Variants in MAF observed in about 807,000 individuals in gnomAD.
MAF encodes the protein transcription factor Maf.
A neutral mutation model predicts 22.0 loss-of-function variants in MAF; 10 were observed. The ratio of observed to expected loss-of-function variants is 0.45; its 90% CI spans 0.28 to 0.77. The LOEUF is 0.77. MAF is among the 30% of genes least tolerant of loss of function. MAF has a pLI of 0.12. For missense variants in MAF, 544 were observed against 548.4 expected, an observed-to-expected ratio of 0.99 and a Z score of 0.08; for synonymous variants, 337 against 255.8, an observed-to-expected ratio of 1.32 and a Z score of -3.03.
the MAF span, among the ~76,000 whole-genome samples, chr16:79,437,706 C>T: frequency 6.6e-6 from 1 of 152,128 alleles, no homozygotes; most frequent in African/African-American, 2.4e-5. Context: ...TCTCTGCTAG[C>T]TTCCAGAGCA....
chr16:79,421,397 C>T, the MAF span, among the ~76,000 whole-genome samples: 6 of 152,208 alleles, frequency 3.9e-5, no homozygotes, highest in Non-Finnish European at 8.8e-5. Flanking sequence ...CCTGCTAGTG[C>T]CTGGCAACCG....
the MAF span, among the ~76,000 whole-genome samples, chr16:79,506,555 G>T: frequency 4.6e-5 from 7 of 152,208 alleles, no homozygotes; most frequent in Non-Finnish European, 7.3e-5. Context: ...AACCAGGGCT[G>T]GTAGATAAAA....
the MAF span, among the ~76,000 whole-genome samples, chr16:79,507,547 C>T: frequency 5.9e-4 from 90 of 152,082 alleles, 2 homozygotes; most frequent in East Asian, 0.017. Flanking sequence ...GCCTCAGCCT[C>T]CTGAGTAGCT....
the MAF span, among the ~76,000 whole-genome samples, chr16:79,431,882 T>A: frequency 6.6e-6 from 1 of 152,132 alleles, no homozygotes; most frequent in Non-Finnish European, 1.5e-5. Flanking sequence ...GTGTTACAGG[T>A]TGAATTGCCA....
the MAF span, among the ~76,000 whole-genome samples, chr16:79,476,602 A>G: frequency 6.6e-6 from 1 of 152,126 alleles, no homozygotes. Flanking sequence ...CAGATTTTTC[A>G]TCTTCCAAAT....
At chr16:79,578,975 G>T in the MAF span, among the ~76,000 whole-genome samples, 1 of 152,222 alleles carries the variant, frequency 6.6e-6, no homozygotes, top group East Asian at 1.9e-4. Context: ...GTAACAACAA[G>T]CCAGCCAGGA....
At chr16:79,253,087 A>G in the MAF span, among the ~76,000 whole-genome samples, 3 of 152,292 alleles carry the variant, frequency 2.0e-5, no homozygotes, top group East Asian at 3.9e-4. Flanking sequence ...GGTCACCCTC[A>G]CCTATAATTA....
At chr16:79,277,562 A>C in the MAF span, among the ~76,000 whole-genome samples, 1 of 152,212 alleles carries the variant, frequency 6.6e-6, no homozygotes, top group Admixed American at 6.5e-5. Context: ...CTCTGAGATT[A>C]GTACTATTAG....
the MAF span, among the ~76,000 whole-genome samples, chr16:79,350,681 A>T: frequency 1.3e-5 from 2 of 152,170 alleles, no homozygotes; most frequent in Admixed American, 1.3e-4. Flanking sequence ...GCAGAGCCAC[A>T]AGATAGAAGA....
At chr16:79,213,270 C>T in the MAF span, among the ~76,000 whole-genome samples, 1 of 151,712 alleles carries the variant, frequency 6.6e-6, no homozygotes, top group Non-Finnish European at 1.5e-5. Context: ...AACTTCTGTG[C>T]CTCTGCATCT....
chr16:79,471,209 C>G, the MAF span, among the ~76,000 whole-genome samples: 1 of 152,222 alleles, frequency 6.6e-6, no homozygotes, highest in South Asian at 2.1e-4. Context: ...AGTTCCTGTG[C>G]TTTACAGCAG....
At chr16:79,281,931 C>G in the MAF span, among the ~76,000 whole-genome samples, 2 of 152,142 alleles carry the variant, frequency 1.3e-5, no homozygotes, top group Admixed American at 1.3e-4. Flanking sequence ...AATGAGGATA[C>G]TGATCTGCAA....
At chr16:79,240,958 T>C in the MAF span, among the ~76,000 whole-genome samples, 1 of 151,888 alleles carries the variant, frequency 6.6e-6, no homozygotes, top group Non-Finnish European at 1.5e-5. Flanking sequence ...GCCTTACCGA[T>C]AGAAGAAAAA....
chr16:79,248,820 G>T, the MAF span, among the ~76,000 whole-genome samples: 1 of 151,778 alleles, frequency 6.6e-6, no homozygotes, highest in African/African-American at 2.4e-5. Flanking sequence ...ATTCAGCTTA[G>T]TGAGCTGAAT....
At chr16:79,302,665 C>A in the MAF span, among the ~76,000 whole-genome samples, 4 of 152,206 alleles carry the variant, frequency 2.6e-5, no homozygotes, top group Admixed American at 2.6e-4. Flanking sequence ...GTAAACAGCA[C>A]AAATCCCCCT....
the MAF span, among the ~76,000 whole-genome samples, chr16:79,504,647 A>AAATG: frequency 2.0e-5 from 3 of 152,064 alleles, no homozygotes; most frequent in East Asian, 5.8e-4. Context: ...ATGGATAAAT[A>AAATG]AATGAATGGA....
chr16:79,415,497 G>A, the MAF span, among the ~76,000 whole-genome samples: 1 of 152,162 alleles, frequency 6.6e-6, no homozygotes, highest in Non-Finnish European at 1.5e-5. Flanking sequence ...TATGTGTTGG[G>A]GCAGAAGTCC....
chr16:79,364,754 G>T, the MAF span, among the ~76,000 whole-genome samples: 1 of 152,136 alleles, frequency 6.6e-6, no homozygotes, highest in Non-Finnish European at 1.5e-5. Context: ...TTCAAGGCAG[G>T]GTCCTATGCC....
the MAF span, among the ~76,000 whole-genome samples, chr16:79,216,224 C>T: frequency 6.6e-6 from 1 of 152,044 alleles, no homozygotes; most frequent in African/African-American, 2.4e-5. Context: ...GTGTCATGTG[C>T]ACATCTATAT....
Sources: gnomAD v4.1 joint callset for allele counts (sites outside exome capture counted in the v4.1 genomes callset) on GRCh38, gnomAD v4.1.1 for gene constraint, MANE v1.5 for transcripts, NCBI Gene and HGNC (gene_info 2026-07-23, HGNC 2026-07-21) for gene names.